ARCN1: variants seen among roughly 807,000 people sequenced by gnomAD.
The protein encoded by ARCN1 is archain 1 coat protein complex I subunit delta.
ARCN1 carries 5 observed loss-of-function variants against 60.4 expected under a neutral mutation model. That is an observed-to-expected ratio of 0.08 (90% CI 0.04 to 0.17). ARCN1 has a LOEUF of 0.17. ARCN1 is among the 10% of genes least tolerant of loss of function. The probability of loss-of-function intolerance (pLI) is 1.00; values close to 1 mark genes in which losing one functional copy is unlikely to be tolerated. For synonymous variants in ARCN1, 224 were observed against 220.0 expected, an observed-to-expected ratio of 1.02 and a Z score of -0.16; for missense variants, 464 against 626.5, an observed-to-expected ratio of 0.74 and a Z score of 2.77.
At chr11:118,583,456 T>C in intron 3 of ARCN1, 98 bp downstream of exon 3, 2 of 1,362,028 alleles carry the variant, frequency 1.5e-6, no homozygotes, top group Non-Finnish European at 9.7e-7. Context: ...GTAGACTGTA[T>C]TCAAAACTAT....
At chr11:118,582,778 C>T (rs1357375587) in intron 2 of ARCN1, among the ~76,000 whole-genome samples, 3 of 150,214 alleles carry the variant, frequency 2.0e-5, no homozygotes, top group East Asian at 2.0e-4. Context: ...CAGTGGCTCA[C>T]GCCTGTAATC....
At chr11:118,592,959 T>A in intron 7 of ARCN1, 103 bp downstream of exon 7, 1 of 1,196,512 alleles carries the variant, frequency 8.4e-7, no homozygotes, top group Non-Finnish European at 1.1e-6. Flanking sequence ...AAGTTCTTTC[T>A]GACAAAATGA....
At chr11:118,598,594 A>G (rs952741608) in intron 9 of ARCN1, among the ~76,000 whole-genome samples, 12 of 150,006 alleles carry the variant, frequency 8.0e-5, no homozygotes, top group Non-Finnish European at 1.6e-4. Context: ...TCCCAGGTTC[A>G]AACAATTCTC....
At chr11:118,595,418 TA>T (rs1269266961) in intron 8 of ARCN1, among the ~76,000 whole-genome samples, 1 of 152,248 alleles carries the variant, frequency 6.6e-6, no homozygotes, top group Non-Finnish European at 1.5e-5. Context: ...GCATAATTTA[TA>T]TACAATAAAC....
intron 8 of ARCN1, among the ~76,000 whole-genome samples, chr11:118,595,496 A>G (rs939013247): frequency 3.9e-5 from 6 of 152,238 alleles, no homozygotes; most frequent in African/African-American, 1.4e-4. Context: ...TAATCAAGAT[A>G]ACAAAAATGT....
chr11:118,597,849 C>G lies in ARCN1; in HGVS notation c.1384C>G (p.Pro462Ala), dbSNP rs1472535165. Residue 462 changes from proline (P) to alanine (A), a missense_variant, in exon 9 of 10, where the codon CCC (proline) becomes GCC (alanine). Pro to Ala is a conservative substitution (Grantham distance 27, BLOSUM62 -1). Coordinates refer to ENST00000264028, the MANE Select transcript of ARCN1 (RefSeq NM_001655.5). ...GSLEFSIAGQ[P>A]NDFFPVQVSF... ...CCTGGAGTTTAGCATTGCTGGGCAGCCCAATGACTTCTTCCCTGTTCAAGT... is the reference window on the plus strand; with the variant it reads ...CCTGGAGTTTAGCATTGCTGGGCAGGCCAATGACTTCTTCCCTGTTCAAGT... 6.2e-6 allele frequency: 10 copies of G among 1,614,024 alleles called. No homozygotes were observed. Among genetic ancestry groups the G allele is most frequent in the Non-Finnish European group, 8.5e-6 (10 of 1,180,044 alleles).
chr11:118,589,807 C>G (rs183953246), intron 5 of ARCN1, among the ~76,000 whole-genome samples: 1 of 152,284 alleles, frequency 6.6e-6, no homozygotes, highest in Admixed American at 6.5e-5. Flanking sequence ...AATAACTTAG[C>G]AGATTGTTTT....
intron 1 of ARCN1, among the ~76,000 whole-genome samples, chr11:118,580,200 A>G (rs1938620198): frequency 1.3e-5 from 2 of 152,272 alleles, no homozygotes; most frequent in Middle Eastern, 3.4e-3. Context: ...GCACCTGCCT[A>G]TAGTCCCAGC....
Position 118,601,250 on chromosome 11 carries a change from C to CG in ARCN1, c.*540dup, listed in dbSNP as rs1939140915. 3.1e-6 allele frequency: 1 copy of CG among 321,778 alleles called. No homozygotes were observed. The highest frequency in any genetic ancestry group is 6.0e-6 in the Non-Finnish European group (1 of 167,408). 19.9% of individuals were successfully genotyped at this position (321,778 alleles called of 1,614,324 possible). On this transcript the variant is annotated 3_prime_UTR_variant, in exon 10 of 10. Transcript: ENST00000264028. Reference sequence around the variant, plus strand: ...CTAATTTTTTGTATTTTAGTAGAGACGGGGTTTCACCGTGTTGCCCAGGCT... The same window carrying CG: ...CTAATTTTTTGTATTTTAGTAGAGACGGGGGTTTCACCGTGTTGCCCAGGCT...
chr11:118,593,659 A>G lies in ARCN1; in HGVS notation c.1202A>G (p.Asn401Ser), dbSNP rs1938961959. The G allele has an allele frequency of 6.2e-7, 1 of 1,613,630 alleles. No homozygotes were observed. Among genetic ancestry groups the G allele is most frequent in the Non-Finnish European group, 8.5e-7 (1 of 1,179,598 alleles). ...ATAGAATATGAGCTACAAGAAGATA[A>G]TTTAGAACTGAATGATGTGGTTATC... ...VNIEYELQED[N>S]LELNDVVITI... Residue 401 changes from asparagine (N) to serine (S), a missense_variant, in exon 8 of 10, where the codon AAT becomes AGT. Asn to Ser is a conservative substitution (Grantham distance 46). This residue lies in a region of ARCN1 where 359 missense variants were observed against 440.2 expected (regional missense o/e 0.82). Coordinates refer to ENST00000264028, the MANE Select transcript of ARCN1 (RefSeq NM_001655.5).
chr11:118,598,905 T>C (rs1192442208), intron 9 of ARCN1, among the ~76,000 whole-genome samples: 1 of 151,650 alleles, frequency 6.6e-6, no homozygotes, highest in African/African-American at 2.4e-5. Context: ...CAAGCAATTC[T>C]GTCTCAGCCT....
In ARCN1 at chr11:118,572,528, G is replaced by C; in HGVS notation, c.-20G>C. The C allele has an allele frequency of 6.2e-7, 1 of 1,611,198 alleles. No individual in the cohort carries two copies. The highest frequency in any genetic ancestry group is 1.3e-5 in the African/African-American group (1 of 74,944). On this transcript the variant is annotated 5_prime_UTR_variant, in exon 1 of 10. Coordinates refer to ENST00000264028, the MANE Select transcript of ARCN1 (RefSeq NM_001655.5). Reference sequence around the variant, plus strand: ...CCCAGTGGAGCCGGAGTGCGGGCGCGCCCCACCACCGCCCTCACCATGGTA... The same window carrying C: ...CCCAGTGGAGCCGGAGTGCGGGCGCCCCCCACCACCGCCCTCACCATGGTA...
chr11:118,593,193 A>T (rs2087251421), intron 7 of ARCN1, among the ~76,000 whole-genome samples: 1 of 151,730 alleles, frequency 6.6e-6, no homozygotes, highest in Non-Finnish European at 1.5e-5. Context: ...CCTCTTTAGT[A>T]GCTGGGACTA....
intron 9 of ARCN1, among the ~76,000 whole-genome samples, chr11:118,598,555 C>T (rs1229360946): frequency 4.9e-5 from 7 of 142,584 alleles, no homozygotes; most frequent in South Asian, 2.2e-4. Context: ...AGTGCAATGG[C>T]GCGCTGTCAG....
At chr11:118,599,368 G>T (rs1939101694) in intron 9 of ARCN1, among the ~76,000 whole-genome samples, 1 of 151,950 alleles carries the variant, frequency 6.6e-6, no homozygotes, top group South Asian at 2.1e-4. Context: ...TAGGATTACA[G>T]GCGCGAGTCA....
chr11:118,590,341 T>G lies in ARCN1; in HGVS notation c.819T>G (p.Ser273Arg). The part of the protein sequence containing the change: ...KMHAPPINME[S>R]VHMKIEEKIT... ...CAAATGTATTACTTTCTCTTTATAG[T>G]GTACATATGAAGATTGAAGAAAAGA... Residue 273 changes from serine (S) to arginine (R), a missense_variant and splice_region_variant, in exon 6 of 10, where the codon AGT becomes AGG. Physicochemically the swap from Ser to Arg is moderately radical, Grantham distance 110. This residue lies in a region of ARCN1 where 359 missense variants were observed against 440.2 expected (regional missense o/e 0.82). Coordinates refer to ENST00000264028, the MANE Select transcript of ARCN1 (RefSeq NM_001655.5). The G allele has an allele frequency of 6.2e-7, 1 of 1,610,692 alleles. No homozygotes were observed. The highest frequency in any genetic ancestry group is 8.5e-7 in the Non-Finnish European group (1 of 1,177,342).
intron 5 of ARCN1, among the ~76,000 whole-genome samples, chr11:118,588,378 T>C (rs1373312555): frequency 6.6e-6 from 1 of 152,214 alleles, no homozygotes; most frequent in Non-Finnish European, 1.5e-5. Context: ...GGGCTGCTCC[T>C]GAGGCCTAAA....
Position 118,583,931 on chromosome 11 carries a change from A to G in ARCN1, c.570A>G (p.Ala190=). The G allele has an allele frequency of 2.5e-6, 4 of 1,614,258 alleles. No homozygotes were observed. The highest frequency in any genetic ancestry group is 3.4e-6 in the Non-Finnish European group (4 of 1,180,052). The change falls in exon 4 of 10, where the codon GCA becomes GCG. Residue 190 remains alanine (A), a synonymous_variant. Coordinates refer to ENST00000264028, the MANE Select transcript of ARCN1 (RefSeq NM_001655.5). ...APGFGGFGSS[A]VSGGSTAAMI... ...GATTTGGCGGATTTGGCAGCTCTGC[A>G]GTATCTGGAGGCAGCACAGCTGCCA...
At chr11:118,590,704 C>G (rs1938885439) in intron 6 of ARCN1, among the ~76,000 whole-genome samples, 198 bp downstream of exon 6, 1 of 152,146 alleles carries the variant, frequency 6.6e-6, no homozygotes, top group Non-Finnish European at 1.5e-5. Context: ...GTAAGGATGG[C>G]TTTTAAATAT....
Sources: allele counts gnomAD v4.1 joint callset (sites outside exome capture counted in the v4.1 genomes callset), GRCh38; gene constraint gnomAD v4.1.1; regional missense constraint gnomAD v4.1.1; transcripts MANE v1.5; gene names NCBI Gene and HGNC (gene_info 2026-07-23, HGNC 2026-07-21).